TMEM132D: variants seen among roughly 807,000 people sequenced by gnomAD.
The protein encoded by TMEM132D is mature OL transmembrane protein.
TMEM132D carries 21 observed loss-of-function variants against 62.3 expected under a neutral mutation model. The ratio of observed to expected loss-of-function variants is 0.34; its 90% CI spans 0.24 to 0.49. The LOEUF is 0.49. TMEM132D is among the 20% of genes least tolerant of loss of function. TMEM132D has a pLI of 0.99. For missense variants in TMEM132D, 1,346 were observed against 1,402.8 expected, an observed-to-expected ratio of 0.96 and a Z score of 0.65; for synonymous variants, 621 against 575.6, an observed-to-expected ratio of 1.08 and a Z score of -1.13.
rs545587447 is a variant in TMEM132D, at chr12:129,867,959, G to C, written c.79+35302C>G. ...GGTACACACGAGGCAGTGTTTCTAT[G>C]GTACACATGAGACAGCATTTGTACG... On this transcript the variant is annotated intron_variant, in intron 1 of 8. Transcript: ENST00000422113. The surrounding 1 kb of genome is among the most constrained non-coding windows in gnomAD (Gnocchi z 4.5). 6.6e-6 allele frequency among the ~76,000 whole-genome samples: 1 copy of C among 152,276 alleles called. No homozygotes were observed. Among genetic ancestry groups the C allele is most frequent in the East Asian group, 1.9e-4 (1 of 5,178 alleles).
chr12:129,120,723 T>A (rs562445333), intron 5 of TMEM132D, among the ~76,000 whole-genome samples: 1 of 152,308 alleles, frequency 6.6e-6, no homozygotes, highest in South Asian at 2.1e-4. Flanking sequence ...AACAATTGCA[T>A]GATTGTTACA....
intron 1 of TMEM132D, among the ~76,000 whole-genome samples, chr12:129,745,098 G>T (rs970586722): frequency 8.5e-5 from 13 of 152,176 alleles, no homozygotes; most frequent in African/African-American, 2.7e-4. Flanking sequence ...CTTCTGCCAT[G>T]ATGGTAAGTT....
intron 1 of TMEM132D, among the ~76,000 whole-genome samples, chr12:129,881,202 C>T (rs571120757): frequency 2.0e-5 from 3 of 151,964 alleles, no homozygotes; most frequent in Non-Finnish European, 4.4e-5. Context: ...CTTCAAAATA[C>T]ATTCAGCCAC....
chr12:129,222,871 AC>A (rs1369312562), intron 4 of TMEM132D, among the ~76,000 whole-genome samples: 1 of 152,048 alleles, frequency 6.6e-6, no homozygotes, highest in African/African-American at 2.4e-5. Context: ...TATATCACAT[AC>A]TTGAAATTTG....
intron 5 of TMEM132D, among the ~76,000 whole-genome samples, chr12:129,148,859 G>C (rs1171546619): frequency 6.6e-6 from 1 of 150,930 alleles, no homozygotes; most frequent in Non-Finnish European, 1.5e-5. Flanking sequence ...ATCCCTGAGG[G>C]TTTCTAGCTC....
At chr12:129,623,425 C>T (rs1879124566) in intron 2 of TMEM132D, among the ~76,000 whole-genome samples, 1 of 152,034 alleles carries the variant, frequency 6.6e-6, no homozygotes, top group Non-Finnish European at 1.5e-5. Context: ...TTGTATCCTT[C>T]ATCCACCCTC....
chr12:129,819,600 C>T (rs1954005423), intron 1 of TMEM132D, among the ~76,000 whole-genome samples: 1 of 152,074 alleles, frequency 6.6e-6, no homozygotes, highest in African/African-American at 2.4e-5. Context: ...ACACTTTTGC[C>T]TCTTCATGCA....
chr12:129,329,322 A>T (rs1329817832), intron 4 of TMEM132D, among the ~76,000 whole-genome samples: 1 of 152,128 alleles, frequency 6.6e-6, no homozygotes, highest in Non-Finnish European at 1.5e-5. Flanking sequence ...CTTAATTTGC[A>T]CTTGGTTGAG....
intron 2 of TMEM132D, among the ~76,000 whole-genome samples, chr12:129,675,390 G>C (rs1461433391): frequency 1.3e-5 from 2 of 152,028 alleles, no homozygotes; most frequent in East Asian, 3.9e-4. Flanking sequence ...GGGGGCAAGG[G>C]GAGGGAGAGC....
chr12:129,217,871 C>G (rs934684745), intron 4 of TMEM132D, among the ~76,000 whole-genome samples: 3 of 152,096 alleles, frequency 2.0e-5, no homozygotes, highest in Non-Finnish European at 2.9e-5. Flanking sequence ...TTTTGCTTTT[C>G]CTACCTCCTT....
intron 3 of TMEM132D, among the ~76,000 whole-genome samples, chr12:129,475,644 C>G (rs1874232339): frequency 6.6e-6 from 1 of 152,190 alleles, no homozygotes; most frequent in Admixed American, 6.5e-5. Flanking sequence ...AACCTGCTTA[C>G]ATAATTCAAA....
chr12:129,743,827 C>T (rs1316394302), intron 1 of TMEM132D, among the ~76,000 whole-genome samples: 1 of 152,180 alleles, frequency 6.6e-6, no homozygotes, highest in Non-Finnish European at 1.5e-5. Context: ...GAAGGCAGAG[C>T]TTGGAACAGG....
chr12:129,601,810 CATAACAAATATA>C (rs1308560446), intron 2 of TMEM132D, among the ~76,000 whole-genome samples: 1 of 152,048 alleles, frequency 6.6e-6, no homozygotes, highest in African/African-American at 2.4e-5. Flanking sequence ...CACAGATCAC[CATAACAAATATA>C]ATAACAATGA....
At chr12:129,628,042 C>T (rs1337926560) in intron 2 of TMEM132D, among the ~76,000 whole-genome samples, 1 of 152,134 alleles carries the variant, frequency 6.6e-6, no homozygotes, top group Non-Finnish European at 1.5e-5. Context: ...AGGAATAACA[C>T]ATTATTATTG....
At chr12:129,208,033 A>C (rs1303871018) in intron 5 of TMEM132D, among the ~76,000 whole-genome samples, 2 of 152,108 alleles carry the variant, frequency 1.3e-5, no homozygotes, top group African/African-American at 2.4e-5. Context: ...ATCTGTGTCC[A>C]CTCATCAGCC....
chr12:129,351,953 C>A (rs539074156), intron 3 of TMEM132D, among the ~76,000 whole-genome samples: 1 of 152,250 alleles, frequency 6.6e-6, no homozygotes, highest in South Asian at 2.1e-4. Flanking sequence ...TCCTATTCAG[C>A]CTGAAGAAGT....
chr12:129,231,778 C>T (rs1048190983), intron 4 of TMEM132D, among the ~76,000 whole-genome samples: 13 of 152,162 alleles, frequency 8.5e-5, no homozygotes, highest in African/African-American at 2.7e-4. Flanking sequence ...CTATGGCCAA[C>T]AGCTTAATAA....
chr12:129,106,422 TAAAATAAAAAATA>T (rs1875500824), intron 5 of TMEM132D, among the ~76,000 whole-genome samples: 1 of 150,160 alleles, frequency 6.7e-6, no homozygotes, highest in African/African-American at 2.5e-5. Context: ...ATAATAATAA[TAAAATAAAAAATA>T]AAAATAAAAA....
Position 129,337,956 on chromosome 12 carries a change from T to A in TMEM132D, c.1116-139A>T, listed in dbSNP as rs932321962. On this transcript the variant is annotated intron_variant, in intron 3 of 8. Coordinates refer to ENST00000422113, the MANE Select transcript of TMEM132D (RefSeq NM_133448.3). Reference sequence around the variant, plus strand: ...GCGCACACATCTCTGCAAAGAGCATTCAGAGATGCCATTCCAAAACGAACA... The same window carrying A: ...GCGCACACATCTCTGCAAAGAGCATACAGAGATGCCATTCCAAAACGAACA... 7.1e-6 allele frequency: 6 copies of A among 844,264 alleles called. No individual in the cohort carries two copies. In the Admixed American group the frequency reaches 1.5e-4, roughly 21 times the overall value. 52.3% of individuals were successfully genotyped at this position (844,264 alleles called of 1,614,324 possible).
Sources: gnomAD v4.1 joint callset for allele counts (sites outside exome capture counted in the v4.1 genomes callset) on GRCh38, gnomAD v4.1.1 for gene constraint, Gnocchi (gnomAD v3.1) non-coding constraint, MANE v1.5 for transcripts, NCBI Gene and HGNC (gene_info 2026-07-23, HGNC 2026-07-21) for gene names.